CAMKMT: variants seen among roughly 807,000 people sequenced by gnomAD.
CAMKMT encodes calmodulin-lysine N-methyltransferase, also known as CaM KMT.
A neutral mutation model predicts 48.0 loss-of-function variants in CAMKMT; 53 were observed. The ratio of observed to expected loss-of-function variants is 1.10; its 90% CI spans 0.89 to 1.39. The LOEUF (loss-of-function observed/expected upper bound fraction) is 1.39. CAMKMT is among the 40% of genes most tolerant of loss of function. The probability of loss-of-function intolerance (pLI) is 0.00; values close to 1 mark genes in which losing one functional copy is unlikely to be tolerated. For synonymous variants in CAMKMT, 165 were observed against 152.3 expected (o/e 1.08, Z -0.61); for missense variants, 428 against 402.7 (o/e 1.06, Z -0.54).
intron 3 of CAMKMT, among the ~76,000 whole-genome samples, chr2:44,690,880 G>C (rs1480233517): frequency 6.6e-6 from 1 of 151,980 alleles, no homozygotes; most frequent in African/African-American, 2.4e-5. Context: ...GGAGGCTGGG[G>C]CACGAGAATC....
intron 3 of CAMKMT, among the ~76,000 whole-genome samples, chr2:44,509,175 A>G (rs1350743213): frequency 6.6e-6 from 1 of 152,118 alleles, no homozygotes; most frequent in Non-Finnish European, 1.5e-5. Flanking sequence ...GACAAGAGCT[A>G]ATGAGGGACT....
intron 3 of CAMKMT, among the ~76,000 whole-genome samples, chr2:44,434,992 C>T (rs1416851879): frequency 6.6e-6 from 1 of 152,126 alleles, no homozygotes; most frequent in Non-Finnish European, 1.5e-5. Context: ...ATCATTGTCT[C>T]TGGGGCACGT....
intron 3 of CAMKMT, among the ~76,000 whole-genome samples, chr2:44,544,981 A>G (rs1667316336): frequency 6.6e-6 from 1 of 152,252 alleles, no homozygotes; most frequent in Non-Finnish European, 1.5e-5. Flanking sequence ...TTTACTTTTT[A>G]GATAAAAGCT....
At chr2:44,392,655 A>T (rs1029787760) in intron 3 of CAMKMT, among the ~76,000 whole-genome samples, 3 of 152,164 alleles carry the variant, frequency 2.0e-5, no homozygotes, top group Non-Finnish European at 2.9e-5. Context: ...ATGTGTCTAA[A>T]CATTTCTATT....
chr2:44,577,356 T>C (rs4953108), intron 3 of CAMKMT, among the ~76,000 whole-genome samples: 94,933 of 152,062 alleles, frequency 0.62, 30,162 homozygotes, highest in Middle Eastern at 0.72. Context: ...CTGTGGCTCA[T>C]GCCTGTAATC....
intron 3 of CAMKMT, among the ~76,000 whole-genome samples, chr2:44,534,012 A>C (rs1290026797): frequency 1.3e-5 from 2 of 152,212 alleles, no homozygotes; most frequent in East Asian, 3.8e-4. Flanking sequence ...ACATGTATAG[A>C]CTGTAAGTAA....
chr2:44,388,118 C>T (rs760708679), intron 2 of CAMKMT, among the ~76,000 whole-genome samples: 2 of 152,044 alleles, frequency 1.3e-5, no homozygotes, highest in African/African-American at 2.4e-5. Flanking sequence ...ATATGTTTTC[C>T]AAGCTTCTTC....
intron 3 of CAMKMT, among the ~76,000 whole-genome samples, chr2:44,509,913 G>A (rs572769529): frequency 6.6e-6 from 1 of 152,278 alleles, no homozygotes; most frequent in African/African-American, 2.4e-5. Flanking sequence ...GGGCTTCCCG[G>A]TCTCCAGAAC....
intron 7 of CAMKMT, among the ~76,000 whole-genome samples, chr2:44,735,032 C>G (rs1255227502): frequency 6.6e-6 from 1 of 152,142 alleles, no homozygotes; most frequent in Non-Finnish European, 1.5e-5. Flanking sequence ...ATTTGAAGCT[C>G]TGTTATTCAG....
intron 3 of CAMKMT, among the ~76,000 whole-genome samples, chr2:44,399,143 T>A (rs970742802): frequency 1.3e-5 from 2 of 152,186 alleles, no homozygotes; most frequent in African/African-American, 4.8e-5. Flanking sequence ...TTGCTGCACA[T>A]GGTAAATTCA....
intron 3 of CAMKMT, among the ~76,000 whole-genome samples, chr2:44,492,212 G>T (rs1472744865): frequency 1.3e-5 from 2 of 151,944 alleles, no homozygotes; most frequent in African/African-American, 2.4e-5. Flanking sequence ...GAATAAAGGA[G>T]GATATTCACC....
At chr2:44,390,195 G>T (rs906991830) in intron 2 of CAMKMT, 46 bp from the exon 3 acceptor site, 1 of 1,481,764 alleles carries the variant, frequency 6.7e-7, no homozygotes. Flanking sequence ...TACTAAAAAT[G>T]TTAACATTTC....
chr2:44,430,496 T>C (rs1489454251), intron 3 of CAMKMT, among the ~76,000 whole-genome samples: 5 of 151,270 alleles, frequency 3.3e-5, no homozygotes, highest in Non-Finnish European at 5.9e-5. Flanking sequence ...ACAATTGGAC[T>C]TGCATACTAG....
chr2:44,518,700 C>G (rs894073733), intron 3 of CAMKMT, among the ~76,000 whole-genome samples: 19 of 152,174 alleles, frequency 1.2e-4, no homozygotes, highest in African/African-American at 4.1e-4. Flanking sequence ...AAATGATATT[C>G]TGTATTCGCC....
chr2:44,505,740 C>A (rs973027280), intron 3 of CAMKMT, among the ~76,000 whole-genome samples: 1 of 152,032 alleles, frequency 6.6e-6, no homozygotes, highest in African/African-American at 2.4e-5. Flanking sequence ...TGTAAGTGGA[C>A]CCGTGCAGTT....
chr2:44,451,414 C>G (rs939116889), intron 3 of CAMKMT, among the ~76,000 whole-genome samples: 3 of 151,844 alleles, frequency 2.0e-5, no homozygotes, highest in Non-Finnish European at 4.4e-5. Flanking sequence ...TTTGGAGGAT[C>G]TGTTCTTTCC....
At chr2:44,568,828 G>A (rs1339748266) in intron 3 of CAMKMT, among the ~76,000 whole-genome samples, 4 of 152,204 alleles carry the variant, frequency 2.6e-5, no homozygotes, top group African/African-American at 7.2e-5. Flanking sequence ...TGGGTTCTGA[G>A]AGGCCCTGTG....
At position 44,688,205 on chromosome 2, in the gene CAMKMT, G is replaced by A. The variant is rs915275099; in HGVS notation, c.377-16078G>A. On this transcript the variant is annotated intron_variant, in intron 3 of 10. Coordinates refer to ENST00000378494, the MANE Select transcript of CAMKMT (RefSeq NM_024766.5). Reference sequence around the variant, plus strand: ...TTCATTTCCTTAACAAAAAAAAAAGGTGTTAAAGACAATCATACAAGTTGG... The same window carrying A: ...TTCATTTCCTTAACAAAAAAAAAAGATGTTAAAGACAATCATACAAGTTGG... 7.2e-5 allele frequency among the ~76,000 whole-genome samples: 11 copies of A among 152,212 alleles called. No individual in the cohort carries two copies. The East Asian group carries it at 1.5e-3, about 21-fold the overall frequency.
intron 3 of CAMKMT, among the ~76,000 whole-genome samples, chr2:44,445,763 C>T (rs1386518660): frequency 1.4e-5 from 2 of 146,920 alleles, no homozygotes; most frequent in African/African-American, 5.0e-5. Flanking sequence ...TTGAGTTGTC[C>T]TCAGCCCCCT....
Sources: allele counts gnomAD v4.1 joint callset (sites outside exome capture counted in the v4.1 genomes callset), GRCh38; gene constraint gnomAD v4.1.1; transcripts MANE v1.5; gene names NCBI Gene and HGNC (gene_info 2026-07-23, HGNC 2026-07-21).